The following COL4A2 variants were observed in gnomAD, a reference collection of about 807,000 sequenced individuals.
The protein encoded by COL4A2 is collagen type IV alpha 2 chain, also known as collagen alpha-2(IV) chain.
In COL4A2, 99 loss-of-function variants were observed where a neutral mutation model predicts 200.2. The ratio of observed to expected loss-of-function variants is 0.49; its 90% CI spans 0.42 to 0.58. COL4A2 has a LOEUF of 0.58. Among genes scored for constraint, COL4A2 ranks in the 20% least tolerant of loss-of-function variants. COL4A2 has a pLI of 0.00. For synonymous variants in COL4A2, 897 were observed against 900.6 expected, an observed-to-expected ratio of 1.00 and a Z score of 0.07; for missense variants, 1,950 against 2,314.1, an observed-to-expected ratio of 0.84 and a Z score of 3.23.
intron 4 of COL4A2, among the ~76,000 whole-genome samples, chr13:110,408,749 TAATG>T (rs1377811248): frequency 6.6e-6 from 1 of 151,930 alleles, no homozygotes; most frequent in Non-Finnish European, 1.5e-5. Flanking sequence ...ACACAGGTCA[TAATG>T]AGAGCAGAAG....
Position 110,465,496 on chromosome 13 carries a change from T to C in COL4A2, c.1868T>C (p.Leu623Pro), listed in dbSNP as rs886049975. ...GTPGEMGPPG[L>P]GLPGLKGQRG... ...CCAGGAGAAATGGGCCCCCCAGGACTGGGCCTTCCCGGCCTCAAAGGCCAA... is the reference window on the plus strand; with the variant it reads ...CCAGGAGAAATGGGCCCCCCAGGACCGGGCCTTCCCGGCCTCAAAGGCCAA... Residue 623 changes from leucine (L) to proline (P), a missense_variant, in exon 25 of 48, where the codon CTG becomes CCG. Coordinates refer to ENST00000360467, the MANE Select transcript of COL4A2 (RefSeq NM_001846.4). The C allele has an allele frequency of 1.9e-6, 3 of 1,614,028 alleles. No homozygotes were observed. Among genetic ancestry groups the C allele is most frequent in the Non-Finnish European group, 2.5e-6 (3 of 1,180,008 alleles).
At chr13:110,310,561 T>C (rs1004750582) in intron 3 of COL4A2, among the ~76,000 whole-genome samples, 1 of 152,248 alleles carries the variant, frequency 6.6e-6, no homozygotes, top group African/African-American at 2.4e-5. Context: ...AAGGGGCTGG[T>C]CTTCTACTTA....
chr13:110,419,481 T>C (rs1880163305), intron 4 of COL4A2, among the ~76,000 whole-genome samples: 1 of 152,220 alleles, frequency 6.6e-6, no homozygotes, highest in African/African-American at 2.4e-5. Context: ...TGATGCGTCA[T>C]CCATCTGTCC....
chr13:110,510,553 C>T (rs1010625289), intron 47 of COL4A2, among the ~76,000 whole-genome samples: 6 of 152,316 alleles, frequency 3.9e-5, no homozygotes, highest in East Asian at 3.9e-4. Flanking sequence ...GGAAAGGGTG[C>T]GTGTGCCTGG....
intron 29 of COL4A2, among the ~76,000 whole-genome samples, chr13:110,476,271 CA>C (rs1309362633): frequency 6.6e-6 from 1 of 152,236 alleles, no homozygotes; most frequent in Non-Finnish European, 1.5e-5. Flanking sequence ...TCTTCACAAC[CA>C]TTAGCACCCA....
chr13:110,345,839 C>T (rs1876675233), intron 3 of COL4A2, among the ~76,000 whole-genome samples: 2 of 152,198 alleles, frequency 1.3e-5, no homozygotes. Context: ...CCCAGGCTCT[C>T]ATCTTGTTCC....
chr13:110,409,305 G>C lies in COL4A2; in HGVS notation c.181-15429G>C, dbSNP rs1199199107. Reference sequence around the variant, plus strand: ...TATTACGAAGCTGACCACCCAGGCTGTGACGGGTAAATCGCAATATGGATA... The same window carrying C: ...TATTACGAAGCTGACCACCCAGGCTCTGACGGGTAAATCGCAATATGGATA... On this transcript the variant is annotated intron_variant, in intron 4 of 47. Coordinates refer to ENST00000360467, the MANE Select transcript of COL4A2 (RefSeq NM_001846.4). 2.0e-5 allele frequency among the ~76,000 whole-genome samples: 3 copies of C among 152,350 alleles called. No homozygotes were observed. In the South Asian group the frequency reaches 6.2e-4, roughly 32 times the overall value.
chr13:110,413,709 A>G (rs1315376104), intron 4 of COL4A2, among the ~76,000 whole-genome samples: 2 of 152,230 alleles, frequency 1.3e-5, no homozygotes, highest in Non-Finnish European at 2.9e-5. Context: ...GAGCTGACAC[A>G]GTGGCTTGGG....
chr13:110,454,533 C>A (rs1434939459), intron 20 of COL4A2, among the ~76,000 whole-genome samples: 1 of 152,160 alleles, frequency 6.6e-6, no homozygotes, highest in Non-Finnish European at 1.5e-5. Context: ...GAACAAAGCT[C>A]ACAAAAGTCC....
chr13:110,396,239 T>TA (rs1879175825), intron 4 of COL4A2, among the ~76,000 whole-genome samples: 1 of 152,248 alleles, frequency 6.6e-6, no homozygotes. Flanking sequence ...GGCCTTCCAT[T>TA]ATTCTTTTAA....
intron 3 of COL4A2, among the ~76,000 whole-genome samples, chr13:110,311,068 C>G (rs187031446): frequency 6.6e-6 from 1 of 152,218 alleles, no homozygotes; most frequent in East Asian, 1.9e-4. Flanking sequence ...GTGCTTTCTT[C>G]TTGGTCTTGA....
chr13:110,507,933 A>C lies in COL4A2; in HGVS notation c.4595-2A>C, dbSNP rs1193184400. On this transcript the variant is annotated splice_acceptor_variant, in intron 46 of 47. Coordinates refer to ENST00000360467, the MANE Select transcript of COL4A2 (RefSeq NM_001846.4). LOFTEE classifies it high-confidence loss of function. The stretch of plus-strand genomic sequence containing the variant: ...GTGATCTCATGACCCCTCCTTCCAC[A>C]GGGCTGGCGGGCTCCTGCCTGGCGC... The C allele has an allele frequency of 6.2e-7, 1 of 1,612,710 alleles. No homozygotes were observed. The highest frequency in any genetic ancestry group is 8.5e-7 in the Non-Finnish European group (1 of 1,179,054).
rs1881461517 is a variant in COL4A2, at chr13:110,449,717, G to C, written c.1117G>C (p.Glu373Gln). Reference sequence around the variant, plus strand: ...CCCGGGATTCCCAGGGGCCCAAGGGGAGCCAGGAAGCCAGGGTGAGCCAGG... The same window carrying C: ...CCCGGGATTCCCAGGGGCCCAAGGGCAGCCAGGAAGCCAGGGTGAGCCAGG... ...GDPGFPGAQG[E>Q]PGSQGEPGDP... The change falls in exon 19 of 48, where the codon GAG (glutamate) becomes CAG (glutamine). Residue 373 changes from glutamate (E) to glutamine (Q), a missense_variant. Glu to Gln is a conservative substitution (Grantham distance 29, BLOSUM62 2). This residue lies in a region of COL4A2 where 565 missense variants were observed against 593.5 expected (regional missense o/e 0.95). Transcript: ENST00000360467. The C allele has an allele frequency of 6.5e-7, 1 of 1,549,800 alleles. No individual in the cohort carries two copies. The highest frequency in any genetic ancestry group is 2.4e-5 in the East Asian group (1 of 40,876).
chr13:110,328,851 T>C (rs557096892), intron 3 of COL4A2, among the ~76,000 whole-genome samples: 57 of 152,378 alleles, frequency 3.7e-4, no homozygotes, highest in African/African-American at 1.3e-3. Flanking sequence ...CATGCTGTCA[T>C]CTAATTCACT....
chr13:110,357,931 G>C (rs1420152049), intron 4 of COL4A2, among the ~76,000 whole-genome samples: 1 of 152,212 alleles, frequency 6.6e-6, no homozygotes, highest in Non-Finnish European at 1.5e-5. Flanking sequence ...GGGGTGCGTG[G>C]ATGTGAAGGC....
chr13:110,365,756 G>C (rs1877719088), intron 4 of COL4A2, among the ~76,000 whole-genome samples: 1 of 152,172 alleles, frequency 6.6e-6, no homozygotes, highest in Non-Finnish European at 1.5e-5. Flanking sequence ...TCTTACACCA[G>C]TGCCTTACAT....
intron 3 of COL4A2, among the ~76,000 whole-genome samples, chr13:110,355,433 CTAG>C (rs1877170083): frequency 1.4e-5 from 1 of 70,238 alleles, no homozygotes; most frequent in African/African-American, 4.5e-5. Context: ...GAGGGCTGTA[CTAG>C]CTCACCTGTG....
chr13:110,446,476 G>A (rs1424382952), intron 17 of COL4A2, among the ~76,000 whole-genome samples: 7 of 152,184 alleles, frequency 4.6e-5, no homozygotes, highest in Non-Finnish European at 8.8e-5. Flanking sequence ...CTCGCCAGGC[G>A]GCTCGGCTAT....
intron 4 of COL4A2, among the ~76,000 whole-genome samples, chr13:110,416,199 A>T (rs1031622630): frequency 1.3e-5 from 2 of 152,218 alleles, no homozygotes; most frequent in African/African-American, 4.8e-5. Flanking sequence ...GCATTGACAC[A>T]TTGCATGTCA....
Sources: allele counts gnomAD v4.1 joint callset (sites outside exome capture counted in the v4.1 genomes callset), GRCh38; gene constraint gnomAD v4.1.1; regional missense constraint gnomAD v4.1.1; transcripts MANE v1.5; gene names NCBI Gene and HGNC (gene_info 2026-07-23, HGNC 2026-07-21).